LEKR1: variants seen among roughly 807,000 people sequenced by gnomAD.
The protein encoded by LEKR1 is protein LEKR1.
Under a neutral mutation model 72.4 loss-of-function variants are expected in LEKR1, and 59 were observed. That is an observed-to-expected ratio of 0.82 (90% CI 0.66 to 1.01). LEKR1 has a LOEUF of 1.01. Among genes scored for constraint, LEKR1 ranks in the 50% least tolerant of loss-of-function variants. The pLI is 0.00. For missense variants in LEKR1, 728 were observed against 759.2 expected (o/e 0.96, Z 0.48); for synonymous variants, 257 against 263.2 (o/e 0.98, Z 0.23).
chr3:156,889,183 T>G (rs1171198533), intron 3 of LEKR1, among the ~76,000 whole-genome samples: 1 of 152,276 alleles, frequency 6.6e-6, no homozygotes, highest in East Asian at 1.9e-4. Flanking sequence ...TTGCCTGATG[T>G]TATATGCTAT....
At chr3:156,851,419 TAGTTTCC>T (rs1224220851) in intron 2 of LEKR1, among the ~76,000 whole-genome samples, 1 of 152,166 alleles carries the variant, frequency 6.6e-6, no homozygotes, top group East Asian at 1.9e-4. Flanking sequence ...CTTTAAAAAG[TAGTTTCC>T]CATCATTTGG....
At chr3:156,836,172 CAAAGCA>C (rs1404372024) in intron 2 of LEKR1, among the ~76,000 whole-genome samples, 3 of 151,924 alleles carry the variant, frequency 2.0e-5, no homozygotes, top group Non-Finnish European at 4.4e-5. Context: ...CAAGCCCAGC[CAAAGCA>C]AAGTAATTTC....
intron 1 of LEKR1, among the ~76,000 whole-genome samples, chr3:156,827,739 C>T (rs1181095146): frequency 6.6e-6 from 1 of 152,136 alleles, no homozygotes; most frequent in Admixed American, 6.5e-5. Context: ...CCAATTCCTC[C>T]CCTTCTTATG....
intron 9 of LEKR1, among the ~76,000 whole-genome samples, chr3:157,005,270 AT>A (rs1458735371): frequency 6.6e-6 from 1 of 152,126 alleles, no homozygotes; most frequent in African/African-American, 2.4e-5. Context: ...AATGGATAAC[AT>A]GAATAGTTCT....
intron 4 of LEKR1, 104 bp downstream of exon 4, chr3:156,920,798 G>A (rs1023090661): frequency 1.6e-6 from 1 of 629,862 alleles, no homozygotes; most frequent in East Asian, 3.2e-5. Context: ...TATATCTGGT[G>A]TGATTGAGAA....
intron 5 of LEKR1, among the ~76,000 whole-genome samples, chr3:156,932,952 C>T (rs1265341757): frequency 2.0e-5 from 3 of 151,490 alleles, no homozygotes; most frequent in Non-Finnish European, 4.4e-5. Context: ...ATGGCGTGAA[C>T]CCGGGAGGCA....
chr3:156,952,129 T>G (rs1455947829), intron 6 of LEKR1, among the ~76,000 whole-genome samples: 1 of 151,456 alleles, frequency 6.6e-6, no homozygotes, highest in Non-Finnish European at 1.5e-5. Flanking sequence ...CAAGCTCTAT[T>G]TAAAGATACA....
At chr3:156,864,806 C>G (rs947967223) in intron 3 of LEKR1, among the ~76,000 whole-genome samples, 2 of 151,936 alleles carry the variant, frequency 1.3e-5, no homozygotes, top group South Asian at 2.1e-4. Context: ...TTTTATGTGG[C>G]CTTTCATGAT....
intron 12 of LEKR1, among the ~76,000 whole-genome samples, chr3:157,043,766 G>A (rs1735548422): frequency 1.3e-5 from 2 of 152,154 alleles, no homozygotes; most frequent in South Asian, 4.1e-4. Context: ...AGAACTAGGT[G>A]ATAAAGCCAC....
intron 6 of LEKR1, among the ~76,000 whole-genome samples, chr3:156,966,244 C>T (rs1420697282): frequency 6.6e-6 from 1 of 152,076 alleles, no homozygotes; most frequent in African/African-American, 2.4e-5. Flanking sequence ...AACTGAGGTA[C>T]TGGGTTCATC....
At chr3:156,924,723 T>C (rs1258571256) in intron 4 of LEKR1, 2 of 411,362 alleles carry the variant, frequency 4.9e-6, no homozygotes, top group African/African-American at 2.0e-5. Context: ...CCTTATTGAA[T>C]TGCCTCAGCA....
At chr3:156,908,634 G>C (rs1722776126) in intron 3 of LEKR1, among the ~76,000 whole-genome samples, 1 of 152,098 alleles carries the variant, frequency 6.6e-6, no homozygotes, top group South Asian at 2.1e-4. Context: ...AAATGTTCTA[G>C]GCTTATCTTG....
chr3:156,980,178 T>C (rs1298302097), intron 7 of LEKR1: 1 of 152,168 alleles, frequency 6.6e-6, no homozygotes, highest in Non-Finnish European at 1.5e-5. Flanking sequence ...AGTTCCTATA[T>C]TTTAGGAGGA....
rs1314626766 is a variant in LEKR1 at position 156,942,540 on chromosome 3, C to G, written c.571C>G (p.Leu191Val). The change falls in exon 6 of 13, where the codon CTG becomes GTG. Residue 191 changes from leucine (L) to valine (V), a missense_variant. Coordinates refer to ENST00000356539, the MANE Select transcript of LEKR1 (RefSeq NM_001004316.3). The part of the protein sequence containing the change: ...SETALTEIDI[L>V]NKSLTVSQRN... ...AATTCTTCTTACAGAAATAGACATA[C>G]TGAATAAAAGTTTGACAGTATCCCA... The G allele has an allele frequency of 1.7e-6, 2 of 1,194,668 alleles. No individual in the cohort carries two copies. Among genetic ancestry groups the G allele is most frequent in the Admixed American group, 5.5e-5 (2 of 36,552 alleles). The allele number at this position is 1,194,668 out of a possible 1,614,324, so 74.0% of individuals were successfully genotyped here.
At chr3:156,913,701 C>G (rs1723327361) in intron 3 of LEKR1, among the ~76,000 whole-genome samples, 1 of 152,124 alleles carries the variant, frequency 6.6e-6, no homozygotes, top group African/African-American at 2.4e-5. Flanking sequence ...GGCACAAGTG[C>G]TTTCCCTTAA....
intron 3 of LEKR1, among the ~76,000 whole-genome samples, chr3:156,896,616 A>T (rs1277311526): frequency 1.3e-5 from 2 of 152,230 alleles, no homozygotes; most frequent in African/African-American, 2.4e-5. Flanking sequence ...AATGTAAATT[A>T]GTTCAGCCAC....
Position 156,905,025 on chromosome 3 carries a change from T to A in LEKR1, c.264-15550T>A, listed in dbSNP as rs115839760. 7.8e-4 allele frequency among the ~76,000 whole-genome samples: 118 copies of A among 152,222 alleles called. 1 individual carries two copies. Among genetic ancestry groups the A allele is most frequent in the Admixed American group, 7.9e-4 (12 of 15,280 alleles). ...AATGAGGTTAATTTAAAAACCTACA[T>A]TGAGTCAGTCCAGTGCGGGTACTTT... On this transcript the variant is annotated intron_variant, in intron 3 of 12. Coordinates refer to ENST00000356539, the MANE Select transcript of LEKR1 (RefSeq NM_001004316.3).
intron 2 of LEKR1, among the ~76,000 whole-genome samples, chr3:156,846,405 GA>G (rs1490834664): frequency 1.3e-5 from 2 of 151,712 alleles, no homozygotes; most frequent in Non-Finnish European, 2.9e-5. Context: ...ACCTTAGGGG[GA>G]AAAACACTGA....
chr3:156,829,868 A>G (rs1239788094), intron 2 of LEKR1, among the ~76,000 whole-genome samples: 2 of 152,200 alleles, frequency 1.3e-5, no homozygotes, highest in African/African-American at 4.8e-5. Context: ...GAATGGTTTG[A>G]AAAAACTCAC....
Sources: allele counts gnomAD v4.1 joint callset (sites outside exome capture counted in the v4.1 genomes callset), GRCh38; gene constraint gnomAD v4.1.1; transcripts MANE v1.5; gene names NCBI Gene and HGNC (gene_info 2026-07-23, HGNC 2026-07-21).